SLC44A3: variants seen among roughly 807,000 people sequenced by gnomAD.
SLC44A3 encodes choline transporter-like protein 3.
SLC44A3 carries 74 observed loss-of-function variants against 75.4 expected under a neutral mutation model. That is an observed-to-expected ratio of 0.98 (90% CI 0.81 to 1.19). SLC44A3 has a LOEUF of 1.19. Among genes scored for constraint, SLC44A3 ranks in the 50% most tolerant of loss-of-function variants. The pLI is 0.00. For missense variants in SLC44A3, 700 were observed against 778.6 expected, an observed-to-expected ratio of 0.90 and a Z score of 1.20; for synonymous variants, 310 against 296.9, an observed-to-expected ratio of 1.04 and a Z score of -0.45.
At chr1:94,887,384 G>A (rs1242744076) in intron 12 of SLC44A3, among the ~76,000 whole-genome samples, 1 of 152,090 alleles carries the variant, frequency 6.6e-6, no homozygotes, top group South Asian at 2.1e-4. Context: ...GTTGCACTCA[G>A]GGTTGAATCT....
chr1:94,842,862 C>A lies in SLC44A3; in HGVS notation c.885+738C>A, dbSNP rs1334074903. 2.0e-5 allele frequency among the ~76,000 whole-genome samples: 3 copies of A among 152,336 alleles called. No individual in the cohort carries two copies. The East Asian group carries it at 5.8e-4, about 29-fold the overall frequency. The stretch of plus-strand genomic sequence containing the variant: ...CAGCAAATGCAGATTCTCACACCAA[C>A]AAAATTCTCTCATAGGAAATCCTTC... On this transcript the variant is annotated intron_variant, in intron 8 of 14. Transcript: ENST00000271227.
At chr1:94,848,392 T>C (rs1027002882) in intron 9 of SLC44A3, among the ~76,000 whole-genome samples, 1 of 152,074 alleles carries the variant, frequency 6.6e-6, no homozygotes, top group African/African-American at 2.4e-5. Context: ...GTGGTGGCAG[T>C]GGCCCTGGGC....
chr1:94,837,890 A>C lies in SLC44A3; in HGVS notation c.670+19A>C. 6.3e-7 allele frequency: 1 copy of C among 1,576,184 alleles called. No homozygotes were observed. The highest frequency in any genetic ancestry group is 1.7e-4 in the Middle Eastern group (1 of 5,920). On this transcript the variant is annotated intron_variant, in intron 6 of 14. Transcript: ENST00000271227. ...GCATTAGGTAATTCTCAGTTAAGTT[A>C]ATTTTAATAGTTGTTTATGGAATGC...
At chr1:94,870,452 C>T (rs1667635025) in intron 12 of SLC44A3, among the ~76,000 whole-genome samples, 1 of 152,114 alleles carries the variant, frequency 6.6e-6, no homozygotes, top group African/African-American at 2.4e-5. Flanking sequence ...TGGGATAGGG[C>T]TGTGGAAGTT....
At chr1:94,860,109 T>C (rs116551679) in intron 10 of SLC44A3, among the ~76,000 whole-genome samples, 1 of 151,836 alleles carries the variant, frequency 6.6e-6, no homozygotes, top group African/African-American at 2.4e-5. Flanking sequence ...AATGAACAAA[T>C]AAAATGAGCT....
intron 12 of SLC44A3, among the ~76,000 whole-genome samples, chr1:94,881,703 CAA>C (rs1178725128): frequency 2.4e-5 from 3 of 126,332 alleles, no homozygotes; most frequent in African/African-American, 3.0e-5. Context: ...GACTCCGTCT[CAA>C]AAAAAAAAAA....
intron 12 of SLC44A3, chr1:94,888,641 C>CTTT: frequency 1.2e-6 from 1 of 812,630 alleles, no homozygotes; most frequent in Non-Finnish European, 1.5e-6. Context: ...GTGGAACTTT[C>CTTT]TTTTTTTTTT....
Position 94,867,429 on chromosome 1 carries a change from C to A in SLC44A3, c.1482+12C>A. On this transcript the variant is annotated intron_variant, in intron 12 of 14. Coordinates refer to ENST00000271227, the MANE Select transcript of SLC44A3 (RefSeq NM_001114106.3). ...TCCATCTCAACCAGGTACGTCTCTACCTCTTGCCTCAGGAACACACAGAAG... is the reference window on the plus strand; with the variant it reads ...TCCATCTCAACCAGGTACGTCTCTAACTCTTGCCTCAGGAACACACAGAAG... 6.3e-7 allele frequency: 1 copy of A among 1,595,320 alleles called. No homozygotes were observed. Among genetic ancestry groups the A allele is most frequent in the Non-Finnish European group, 8.6e-7 (1 of 1,169,412 alleles).
At chr1:94,867,568 A>C in intron 12 of SLC44A3, 151 bp downstream of exon 12, 1 of 474,946 alleles carries the variant, frequency 2.1e-6, no homozygotes, top group Non-Finnish European at 3.6e-6. Context: ...ACAACCACTC[A>C]ATTCTGCCAT....
intron 9 of SLC44A3, chr1:94,855,326 G>A (rs1048933708): frequency 1.3e-5 from 2 of 152,234 alleles, no homozygotes; most frequent in Non-Finnish European, 2.9e-5. Context: ...TGTAAACCTA[G>A]TTTTGCAAAA....
intron 12 of SLC44A3, among the ~76,000 whole-genome samples, chr1:94,869,304 G>A (rs569267008): frequency 2.9e-4 from 44 of 152,298 alleles, no homozygotes; most frequent in African/African-American, 9.4e-4. Flanking sequence ...TGAAGGTGAC[G>A]ACTCCTTTTA....
At chr1:94,888,594 C>T (rs1004637277) in intron 12 of SLC44A3, 4 of 880,576 alleles carry the variant, frequency 4.5e-6, no homozygotes, top group South Asian at 5.2e-5. Context: ...GCAAATTTCA[C>T]GCACATTCTA....
chr1:94,845,546 G>T, intron 9 of SLC44A3, 82 bp downstream of exon 9: 1 of 1,352,080 alleles, frequency 7.4e-7, no homozygotes, highest in African/African-American at 1.5e-5. Context: ...TGTTTCTGTA[G>T]GCACCTAACC....
Position 94,820,436 on chromosome 1 carries a change from C to G in SLC44A3, c.-16C>G. 1 of 1,456,282 alleles carries G rather than the reference C, an allele frequency of 6.9e-7. No individual in the cohort carries two copies. Among genetic ancestry groups the G allele is most frequent in the Non-Finnish European group, 9.0e-7 (1 of 1,107,486 alleles). 90.2% of individuals were successfully genotyped at this position (1,456,282 alleles called of 1,614,324 possible). On this transcript the variant is annotated 5_prime_UTR_variant, in exon 1 of 15. Coordinates refer to ENST00000271227, the MANE Select transcript of SLC44A3 (RefSeq NM_001114106.3). ...GCGGCGGCTCCCAGTCACCGGCCCC[C>G]GCCGGCGAGCGCACGATGCACTGCC...
At position 94,824,587 on chromosome 1, in the gene SLC44A3, C is replaced by G. The variant is rs1361176299; in HGVS notation, c.230C>G (p.Ser77Cys). 1.2e-5 allele frequency: 20 copies of G among 1,610,416 alleles called. No individual in the cohort carries two copies. The South Asian group carries it at 1.7e-4, about 13-fold the overall frequency. Reference protein sequence around the residue: ...SFGNMCGKKNSPVEGAPLSGQ... With the variant: ...SFGNMCGKKNCPVEGAPLSGQ... ...GGCAACATGTGTGGCAAGAAGAACT[C>G]CCCCGTGGAAGGGGCCCCTCTTTCA... is the stretch of plus-strand genomic sequence containing the variant. The change falls in exon 3 of 15, where the codon TCC becomes TGC. Residue 77 changes from serine (S) to cysteine (C), a missense_variant. By Grantham distance (112) the Ser-to-Cys change is moderately radical. Coordinates refer to ENST00000271227, the MANE Select transcript of SLC44A3 (RefSeq NM_001114106.3).
intron 3 of SLC44A3, among the ~76,000 whole-genome samples, chr1:94,825,105 G>A (rs573326000): frequency 2.2e-4 from 33 of 152,254 alleles, no homozygotes; most frequent in African/African-American, 3.9e-4. Context: ...CTGGGGACCT[G>A]TGTCCCACCC....
At chr1:94,856,943 C>T (rs1665951620) in intron 9 of SLC44A3, among the ~76,000 whole-genome samples, 1 of 152,082 alleles carries the variant, frequency 6.6e-6, no homozygotes, top group South Asian at 2.1e-4. Flanking sequence ...GTTGATCAGG[C>T]TGGTCTTGAA....
At chr1:94,833,279 T>C (rs2100993137) in intron 5 of SLC44A3, among the ~76,000 whole-genome samples, 1 of 152,312 alleles carries the variant, frequency 6.6e-6, no homozygotes, top group Non-Finnish European at 1.5e-5. Context: ...CCCGGCCAGC[T>C]CTTTCCCTCA....
chr1:94,863,834 CCTCT>C (rs1666865694), intron 10 of SLC44A3, among the ~76,000 whole-genome samples: 1 of 152,332 alleles, frequency 6.6e-6, no homozygotes, highest in African/African-American at 2.4e-5. Context: ...CCTTCCTTTT[CCTCT>C]CTCAAAACCT....
Sources: gnomAD v4.1 joint callset for allele counts (sites outside exome capture counted in the v4.1 genomes callset) on GRCh38, gnomAD v4.1.1 for gene constraint, MANE v1.5 for transcripts, NCBI Gene and HGNC (gene_info 2026-07-23, HGNC 2026-07-21) for gene names.